Variants in UNKL observed in about 807,000 individuals in gnomAD.
UNKL encodes the protein unk like zinc finger.
Under a neutral mutation model 78.0 loss-of-function variants are expected in UNKL, and 60 were observed. That is an observed-to-expected ratio of 0.77 (90% confidence interval 0.63 to 0.95). The LOEUF (loss-of-function observed/expected upper bound fraction) is 0.95, where lower values mean the gene tolerates loss of function less well. Among genes scored for constraint, UNKL ranks in the 40% least tolerant of loss-of-function variants. The probability of loss-of-function intolerance (pLI) is 0.00; values close to 1 mark genes in which losing one functional copy is unlikely to be tolerated. For synonymous variants in UNKL, 608 were observed against 474.8 expected (o/e 1.28, Z -3.65); for missense variants, 1,159 against 1,045.7 (o/e 1.11, Z -1.49).
intron 4 of UNKL, among the ~76,000 whole-genome samples, chr16:1,400,229 G>C (rs763830497): frequency 8.6e-5 from 13 of 151,770 alleles, no homozygotes; most frequent in Non-Finnish European, 1.9e-4. Flanking sequence ...GACTTGCCTG[G>C]CCAACACAGT....
chr16:1,383,688 C>A, intron 10 of UNKL: 1 of 406,394 alleles, frequency 2.5e-6, no homozygotes, highest in Non-Finnish European at 5.2e-6. Context: ...CACCAACGAC[C>A]AGAAGCTGCG....
intron 9 of UNKL, 155 bp from the exon 10 acceptor site, chr16:1,385,540 C>T (rs1416674406): frequency 1.4e-6 from 1 of 700,848 alleles, no homozygotes; most frequent in Non-Finnish European, 2.0e-6. Context: ...GGACTCTGAC[C>T]GCACCGAGGA....
chr16:1,365,534 A>G lies in UNKL; in HGVS notation c.*706T>C, dbSNP rs766519808. 6.6e-6 allele frequency: 1 copy of G among 152,602 alleles called. No homozygotes were observed. Among genetic ancestry groups the G allele is most frequent in the Non-Finnish European group, 1.5e-5 (1 of 68,042 alleles). The allele number at this position is 152,602 out of a possible 1,614,324, so 9.5% of individuals were successfully genotyped here. On this transcript the variant is annotated 3_prime_UTR_variant, in exon 15 of 15. Coordinates refer to ENST00000389221, the MANE Select transcript of UNKL (RefSeq NM_001372107.1). ...ACATCAGCCCCAGTGCCTGGTGCAC[A>G]CACAGGCTCAGGAAAACTAGCTCCT... is the stretch of plus-strand genomic sequence containing the variant.
rs1161525980 is a variant in UNKL, at chr16:1,367,504, CCCTCCCTCCCCCT to C, written c.1788+139_1788+151del. 5.1e-3 allele frequency among the ~76,000 whole-genome samples: 477 copies of C among 94,304 alleles called. 11 individuals carry two copies. The highest frequency in any genetic ancestry group is 7.3e-3 in the South Asian group (16 of 2,200). The allele number at this position is 94,304 out of a possible 152,430, so 61.9% of individuals were successfully genotyped here. ...TGCGGCCCTCCCTCCCTCCCTCCCTCCCTCCCTCCCCCTCCCGTCTCACCCCCCACACGCTCAC... is the reference window on the plus strand; with the variant it reads ...TGCGGCCCTCCCTCCCTCCCTCCCTCCCCGTCTCACCCCCCACACGCTCAC... On this transcript the variant is annotated intron_variant, in intron 13 of 14. Coordinates refer to ENST00000389221, the MANE Select transcript of UNKL (RefSeq NM_001372107.1).
At chr16:1,400,753 T>A (rs1029433995) in intron 4 of UNKL, among the ~76,000 whole-genome samples, 1 of 151,986 alleles carries the variant, frequency 6.6e-6, no homozygotes, top group Non-Finnish European at 1.5e-5. Flanking sequence ...AGTGGCGTGA[T>A]CTTGGCTCAC....
chr16:1,368,177 G>A (rs577324164), intron 12 of UNKL: 19 of 419,238 alleles, frequency 4.5e-5, no homozygotes, highest in Non-Finnish European at 7.8e-5. Flanking sequence ...AGGGGCAGTG[G>A]TTCTCAGACT....
At chr16:1,380,673 A>ATTTTTTTTTTTTTTT (rs57595079) in intron 10 of UNKL, among the ~76,000 whole-genome samples, 19 of 99,396 alleles carry the variant, frequency 1.9e-4, no homozygotes, top group African/African-American at 7.3e-4. Context: ...CTGGTTCAGG[A>ATTTTTTTTTTTTTTT]TTTTTTTTTT....
rs770904780 is a variant in UNKL at position 1,370,122 on chromosome 16, G to A, written c.1585+8C>T. 2.7e-5 allele frequency: 42 copies of A among 1,534,772 alleles called. No individual in the cohort carries two copies. In the Middle Eastern group the frequency reaches 1.5e-3, roughly 56 times the overall value. On this transcript the variant is annotated splice_region_variant and intron_variant, in intron 12 of 14. Transcript: ENST00000389221. ...GGCAACGCCAGCATGGAGGGAGCCG[G>A]CACTCACCTAGGGGGCTGTAGGATG...
At chr16:1,396,983 G>A in intron 6 of UNKL, 195 bp downstream of exon 6, 1 of 587,514 alleles carries the variant, frequency 1.7e-6, no homozygotes, top group Non-Finnish European at 3.0e-6. Flanking sequence ...CTGGCTGAGG[G>A]CAGCCCGAAG....
At chr16:1,394,285 C>T (rs898368328) in intron 6 of UNKL, 70 bp from the exon 7 acceptor site, 3 of 1,505,338 alleles carry the variant, frequency 2.0e-6, no homozygotes, top group East Asian at 2.5e-5. Context: ...CAGCTGGCAT[C>T]ATCCCAAGGG....
intron 5 of UNKL, chr16:1,398,681 A>ACGCCCCC: frequency 2.9e-6 from 2 of 694,512 alleles, no homozygotes; most frequent in Non-Finnish European, 3.8e-6. Context: ...TGGGGTCTGC[A>ACGCCCCC]CCCCCCCACC....
Position 1,401,659 on chromosome 16 carries a change from G to A in UNKL, c.507C>T (p.Gly169=), listed in dbSNP as rs148808750. The change falls in exon 4 of 15, where the codon GGC becomes GGT. Residue 169 remains glycine, a synonymous_variant. Transcript: ENST00000389221. ...AQEALQNGQL[G]GGEGVPDLQP... ...GCAGATCCGGGACCCCTTCCCCGCC[G>A]CCCAGCTGGCCGTTCTGCAAGGCTT... is the stretch of plus-strand genomic sequence containing the variant. 280 of 1,611,720 alleles carry A rather than the reference G, an allele frequency of 1.7e-4. No individual in the cohort carries two copies. The highest frequency in any genetic ancestry group is 2.2e-4 in the Non-Finnish European group (261 of 1,179,168).
chr16:1,395,877 A>C, intron 6 of UNKL: 2 of 418,220 alleles, frequency 4.8e-6, no homozygotes, highest in Non-Finnish European at 1.0e-5. Flanking sequence ...CTGTGACAAC[A>C]TGAGTCAAGA....
Position 1,365,846 on chromosome 16 carries a change from C to T in UNKL, c.*394G>A, listed in dbSNP as rs542365888. 1.0e-4 allele frequency: 17 copies of T among 170,188 alleles called. No individual in the cohort carries two copies. In the East Asian group the frequency reaches 2.1e-3, roughly 21 times the overall value. 10.5% of individuals were successfully genotyped at this position (170,188 alleles called of 1,614,324 possible). A position where few individuals can be genotyped will look rare whatever the true frequency, so the allele number is the denominator to read the frequency against. ...ATTTATAACCTCTAACTAAATTCCT[C>T]GGTTTACAAAGTGCTTTGAAAGACC... On this transcript the variant is annotated 3_prime_UTR_variant, in exon 15 of 15. Transcript: ENST00000389221.
chr16:1,394,815 T>C (rs1319229153), intron 6 of UNKL, among the ~76,000 whole-genome samples: 2 of 152,170 alleles, frequency 1.3e-5, no homozygotes, highest in Non-Finnish European at 2.9e-5. Context: ...ACCTCCGGCC[T>C]GGCCCCACCC....
chr16:1,392,873 G>C lies in UNKL; in HGVS notation c.1023+18C>G, dbSNP rs930551539. The C allele has an allele frequency of 3.2e-6, 5 of 1,550,338 alleles. No homozygotes were observed. The highest frequency in any genetic ancestry group is 1.4e-5 in the African/African-American group (1 of 73,054). Reference sequence around the variant, plus strand: ...CCAAAGGACACTGGGCATTGTCCTGGGAAGGCCGTTCACTTACATTTCCCG... The same window carrying C: ...CCAAAGGACACTGGGCATTGTCCTGCGAAGGCCGTTCACTTACATTTCCCG... On this transcript the variant is annotated intron_variant, in intron 8 of 14. Transcript: ENST00000389221.
At chr16:1,406,019 G>A in intron 2 of UNKL, 1 of 456,740 alleles carries the variant, frequency 2.2e-6, no homozygotes, top group South Asian at 1.5e-5. Flanking sequence ...CAGCTGGTGT[G>A]GACGAGGCCC....
At chr16:1,401,491 G>C in intron 4 of UNKL, 77 bp downstream of exon 4, 1 of 1,388,420 alleles carries the variant, frequency 7.2e-7, no homozygotes, top group Non-Finnish European at 9.5e-7. Context: ...AAGGCACAGG[G>C]AACCAAGTGG....
At chr16:1,395,822 C>A (rs1358789114) in intron 6 of UNKL, 1 of 447,234 alleles carries the variant, frequency 2.2e-6, no homozygotes, top group Admixed American at 2.4e-5. Context: ...CCTGGTGACA[C>A]CATTGAGTGT....
Sources: allele counts gnomAD v4.1 joint callset (sites outside exome capture counted in the v4.1 genomes callset), GRCh38; gene constraint gnomAD v4.1.1; transcripts MANE v1.5; gene names NCBI Gene and HGNC (gene_info 2026-07-23, HGNC 2026-07-21).